Variants in ARFRP1 observed in about 807,000 individuals in gnomAD.
The protein encoded by ARFRP1 is ADP-ribosylation factor-related protein 1.
Under a neutral mutation model 30.3 loss-of-function variants are expected in ARFRP1, and 19 were observed. That is an observed-to-expected ratio of 0.63 (90% CI 0.44 to 0.92). ARFRP1 has a LOEUF of 0.92. Among genes scored for constraint, ARFRP1 ranks in the 40% least tolerant of loss-of-function variants. The pLI is 0.00. For missense variants in ARFRP1, 245 were observed against 267.5 expected (o/e 0.92, Z 0.59); for synonymous variants, 133 against 114.2 (o/e 1.16, Z -1.05).
At chr20:63,705,612 G>A (rs2091416050) in intron 4 of ARFRP1, 1 of 526,564 alleles carries the variant, frequency 1.9e-6, no homozygotes, top group African/African-American at 1.9e-5. Context: ...AAGAACAAAT[G>A]TTAAGCTAGA....
chr20:63,707,348 C>A, intron 1 of ARFRP1: 1 of 452,154 alleles, frequency 2.2e-6, no homozygotes, highest in Non-Finnish European at 4.0e-6. Context: ...CCCTCCCCTG[C>A]TCGCGGGACT....
At chr20:63,701,997 TGC>T in intron 5 of ARFRP1, 97 bp from the exon 6 acceptor site, 2 of 684,606 alleles carry the variant, frequency 2.9e-6, no homozygotes, top group South Asian at 1.9e-5. Context: ...CCACTCCCTC[TGC>T]CCCCCCCCCC....
chr20:63,700,434 C>T lies in ARFRP1; in HGVS notation c.*9G>A, dbSNP rs779005862. On this transcript the variant is annotated 3_prime_UTR_variant, in exon 8 of 8. Coordinates refer to ENST00000622789, the MANE Select transcript of ARFRP1 (RefSeq NM_001267547.3). ...GGGACCAGCCGTCCCGACGGCAGCG[C>T]GGCTGCGCCTACGTGATGTCCCTCT... The T allele has an allele frequency of 5.6e-6, 9 of 1,607,124 alleles. No homozygotes were observed. In the Admixed American group the frequency reaches 6.7e-5, roughly 12 times the overall value.
At chr20:63,705,887 C>A (rs574897639) in intron 4 of ARFRP1, 1 of 410,460 alleles carries the variant, frequency 2.4e-6, no homozygotes, top group Non-Finnish European at 5.0e-6. Flanking sequence ...TTCCCAGACA[C>A]TTGTAAGATG....
At chr20:63,700,827 C>G (rs1433768623) in intron 6 of ARFRP1, 125 bp from the exon 7 acceptor site, 1 of 1,296,818 alleles carries the variant, frequency 7.7e-7, no homozygotes, top group East Asian at 2.5e-5. Context: ...CACCAGGGTC[C>G]CAGTGTCTCC....
intron 6 of ARFRP1, chr20:63,701,186 G>A (rs76892769): frequency 1.2e-3 from 639 of 520,976 alleles, no homozygotes; most frequent in Admixed American, 2.6e-3. Context: ...CCCCTGCCCC[G>A]TACCAGATGT....
Position 63,700,170 on chromosome 20 carries a change from C to T in ARFRP1, c.*273G>A. The T allele has an allele frequency of 2.1e-6, 1 of 473,630 alleles. No homozygotes were observed. The allele number at this position is 473,630 out of a possible 1,614,324, so 29.3% of individuals were successfully genotyped here. On this transcript the variant is annotated 3_prime_UTR_variant, in exon 8 of 8. Transcript: ENST00000622789. ...CCCAACCAGGTCTCCCTCAGACCCC[C>T]CAGAAAGGGCCTCGAAAGGCCGCCG...
intron 5 of ARFRP1, 96 bp from the exon 6 acceptor site, chr20:63,701,996 C>G (rs71325462): frequency 1.1e-5 from 11 of 981,744 alleles, no homozygotes; most frequent in Admixed American, 2.7e-5. Flanking sequence ...GCCACTCCCT[C>G]TGCCCCCCCC....
At position 63,706,986 on chromosome 20, in the gene ARFRP1, C is replaced by A; in HGVS notation, c.93+13G>T. ...GCCGTGGGAAAGGTGCGCGCAAGGG[C>A]GTGGGCACTCACCGTCTTCCCAGCA... On this transcript the variant is annotated intron_variant, in intron 2 of 7. Coordinates refer to ENST00000622789, the MANE Select transcript of ARFRP1 (RefSeq NM_001267547.3). 1 of 1,613,188 alleles carries A rather than the reference C, an allele frequency of 6.2e-7. No individual in the cohort carries two copies. The highest frequency in any genetic ancestry group is 8.5e-7 in the Non-Finnish European group (1 of 1,179,780).
rs1601214372 is a variant in ARFRP1, at chr20:63,698,698, C to T, written c.*1745G>A. 7 of 1,133,232 alleles carry T rather than the reference C, an allele frequency of 6.2e-6. No homozygotes were observed. The highest frequency in any genetic ancestry group is 3.2e-4 in the Middle Eastern group (1 of 3,162). The allele number at this position is 1,133,232 out of a possible 1,614,324, so 70.2% of individuals were successfully genotyped here. A position where few individuals can be genotyped will look rare whatever the true frequency, so the allele number is the denominator to read the frequency against. ...TTTTTCATAAAACTGGTTGTAGTTG[C>T]ACAGCTACTGGGAGGGCAGCCGGGG... On this transcript the variant is annotated 3_prime_UTR_variant, in exon 8 of 8. Transcript: ENST00000622789.
rs1479763847 is a variant in ARFRP1, at chr20:63,700,234, C to T, written c.*209G>A. Reference sequence around the variant, plus strand: ...AAAGGCTGCCGCTGCAGGGCCTGGGCCAGCCGGGCTGCCAGACTCCCCTCC... The same window carrying T: ...AAAGGCTGCCGCTGCAGGGCCTGGGTCAGCCGGGCTGCCAGACTCCCCTCC... On this transcript the variant is annotated 3_prime_UTR_variant, in exon 8 of 8. Transcript: ENST00000622789. 1.4e-6 allele frequency: 1 copy of T among 707,056 alleles called. No individual in the cohort carries two copies. The highest frequency in any genetic ancestry group is 2.3e-6 in the Non-Finnish European group (1 of 439,694). 43.8% of individuals were successfully genotyped at this position (707,056 alleles called of 1,614,324 possible).
chr20:63,700,195 G>A lies in ARFRP1; in HGVS notation c.*248C>T, dbSNP rs1282472195. On this transcript the variant is annotated 3_prime_UTR_variant, in exon 8 of 8. Coordinates refer to ENST00000622789, the MANE Select transcript of ARFRP1 (RefSeq NM_001267547.3). ...CCAGAAAGGGCCTCGAAAGGCCGCC[G>A]CTGCGCCCTGTGGAAAGGCTGCCGC... is the stretch of plus-strand genomic sequence containing the variant. 4.6e-5 allele frequency: 25 copies of A among 546,180 alleles called. No homozygotes were observed. Among genetic ancestry groups the A allele is most frequent in the Non-Finnish European group, 5.9e-5 (18 of 307,570 alleles). 33.8% of individuals were successfully genotyped at this position (546,180 alleles called of 1,614,324 possible).
chr20:63,700,271 A>T lies in ARFRP1; in HGVS notation c.*172T>A, dbSNP rs969930938. 1.0e-6 allele frequency: 1 copy of T among 1,001,572 alleles called. No homozygotes were observed. The allele number at this position is 1,001,572 out of a possible 1,614,324, so 62.0% of individuals were successfully genotyped here. ...CCAGACTCCCCTCCAAAGCCTCCGGATGCCTACGCTTTTCCAGACATAGAG... is the reference window on the plus strand; with the variant it reads ...CCAGACTCCCCTCCAAAGCCTCCGGTTGCCTACGCTTTTCCAGACATAGAG... On this transcript the variant is annotated 3_prime_UTR_variant, in exon 8 of 8. Transcript: ENST00000622789.
At chr20:63,705,817 C>A (rs758892085) in intron 4 of ARFRP1, 3 of 518,390 alleles carry the variant, frequency 5.8e-6, no homozygotes. Context: ...ACTGCCCTGA[C>A]CTCTCTGACT....
At chr20:63,702,034 C>A (rs959268367) in intron 5 of ARFRP1, 102 bp downstream of exon 5, 6 of 1,150,690 alleles carry the variant, frequency 5.2e-6, no homozygotes, top group South Asian at 2.6e-5. Context: ...GGCAGGAGCA[C>A]TTCTGACCAG....
Position 63,700,274 on chromosome 20 carries a change from C to A in ARFRP1, c.*169G>T. 9.7e-7 allele frequency: 1 copy of A among 1,027,154 alleles called. No individual in the cohort carries two copies. The highest frequency in any genetic ancestry group is 1.6e-5 in the South Asian group (1 of 62,776). 63.6% of individuals were successfully genotyped at this position (1,027,154 alleles called of 1,614,324 possible). On this transcript the variant is annotated 3_prime_UTR_variant, in exon 8 of 8. Coordinates refer to ENST00000622789, the MANE Select transcript of ARFRP1 (RefSeq NM_001267547.3). ...GACTCCCCTCCAAAGCCTCCGGATG[C>A]CTACGCTTTTCCAGACATAGAGGAA...
intron 6 of ARFRP1, chr20:63,701,204 G>C (rs149205314): frequency 1.9e-6 from 1 of 528,684 alleles, no homozygotes; most frequent in Non-Finnish European, 3.9e-6. Context: ...TGTCCCTCTT[G>C]TCGGCTGAGA....
intron 1 of ARFRP1, 30 bp from the exon 2 acceptor site, chr20:63,707,127 G>T: frequency 6.4e-7 from 1 of 1,561,218 alleles, no homozygotes. Flanking sequence ...TCAGTGTGCA[G>T]CCAGAAAGCA....
At chr20:63,705,624 C>T (rs776464107) in intron 4 of ARFRP1, 4 of 530,832 alleles carry the variant, frequency 7.5e-6, no homozygotes, top group African/African-American at 5.8e-5. Context: ...TAAGCTAGAA[C>T]TGAAGGAACC....
Sources: allele counts gnomAD v4.1 joint callset, GRCh38; gene constraint gnomAD v4.1.1; transcripts MANE v1.5; gene names NCBI Gene and HGNC (gene_info 2026-07-23, HGNC 2026-07-21).